The following HAS3 variants were observed in gnomAD, a reference collection of about 807,000 sequenced individuals.
HAS3 encodes HA synthase 3.
A neutral mutation model predicts 50.3 loss-of-function variants in HAS3; 27 were observed. The observed-to-expected ratio is 0.54, with a 90% CI of 0.40 to 0.74. HAS3 has a LOEUF of 0.74. Ranked by LOEUF, HAS3 falls within the 30% of genes least tolerant of loss-of-function variation. The pLI is 0.00. For synonymous variants in HAS3, 339 were observed against 310.9 expected (o/e 1.09, Z -0.95); for missense variants, 517 against 742.8 (o/e 0.70, Z 3.53).
At chr16:69,113,013 G>A (rs1181331697) in intron 2 of HAS3, among the ~76,000 whole-genome samples, 2 of 152,204 alleles carry the variant, frequency 1.3e-5, no homozygotes, top group Non-Finnish European at 2.9e-5. Context: ...AGGGGTCAGA[G>A]GCTGACACGG....
At chr16:69,104,774 G>GT (rs1358138632), upstream of HAS3, among the ~76,000 whole-genome samples, 2 of 151,962 alleles carry the variant, frequency 1.3e-5, no homozygotes, top group African/African-American at 4.8e-5. Context: ...TGTGGAGTAG[G>GT]TGTGCCTGGG....
At position 69,114,658 on chromosome 16, in the gene HAS3, A is replaced by C; in HGVS notation, c.1054A>C (p.Asn352His). 2 of 1,614,096 alleles carry C rather than the reference A, an allele frequency of 1.2e-6. No homozygotes were observed. The highest frequency in any genetic ancestry group is 1.7e-6 in the Non-Finnish European group (2 of 1,180,010). The change falls in exon 4 of 4, where the codon AAC becomes CAC. Residue 352 changes from asparagine (N) to histidine (H), a missense_variant. Transcript: ENST00000569188. The surrounding 1 kb of genome is among the most constrained non-coding windows in gnomAD (Gnocchi z 6.4). ...ETPTKYLRWL[N>H]QQTRWSKSYF... ...CCCCACTAAGTACCTCCGGTGGCTC[A>C]ACCAGCAAACCCGCTGGAGCAAGTC... is the stretch of plus-strand genomic sequence containing the variant.
Position 69,116,862 on chromosome 16 carries a change from C to T in HAS3, c.*1596C>T, listed in dbSNP as rs757449114. The T allele has an allele frequency of 3.0e-5, 30 of 985,292 alleles. No homozygotes were observed. The highest frequency in any genetic ancestry group is 1.1e-4 in the East Asian group (1 of 8,822). The allele number at this position is 985,292 out of a possible 1,614,324, so 61.0% of individuals were successfully genotyped here. On this transcript the variant is annotated 3_prime_UTR_variant, in exon 4 of 4. Transcript: ENST00000569188. ...CCTTTCTCAGAGGGGCCAGCTAACCCGTGCAGAACCAGCACTAAGGTGGAC... is the reference window on the plus strand; with the variant it reads ...CCTTTCTCAGAGGGGCCAGCTAACCTGTGCAGAACCAGCACTAAGGTGGAC...
chr16:69,090,161 A>G, the HAS3 span, among the ~76,000 whole-genome samples: 17 of 152,014 alleles, frequency 1.1e-4, no homozygotes, highest in Non-Finnish European at 2.2e-4. Context: ...TTGAGATGCA[A>G]ACTCAGGTAC....
At position 69,116,894 on chromosome 16, in the gene HAS3, C is replaced by G; in HGVS notation, c.*1628C>G. ...AACCAGCACTAAGGTGGACAGCAGA[C>G]AAGAGGGCAAGCCTCTAGTGTACCA... On this transcript the variant is annotated 3_prime_UTR_variant, in exon 4 of 4. Transcript: ENST00000569188. 1 of 985,440 alleles carries G rather than the reference C, an allele frequency of 1.0e-6. No individual in the cohort carries two copies. The allele number at this position is 985,440 out of a possible 1,614,324, so 61.0% of individuals were successfully genotyped here. A position where few individuals can be genotyped will look rare whatever the true frequency, so the allele number is the denominator to read the frequency against.
chr16:69,116,917 CCAAGTGCTTCCTA>C lies in HAS3; in HGVS notation c.*1655_*1667del. ...GACAAGAGGGCAAGCCTCTAGTGTA[CCAAGTGCTTCCTA>C]CAAAGACGCAAGGTGTGCTCTGAGC... On this transcript the variant is annotated 3_prime_UTR_variant, in exon 4 of 4. Transcript: ENST00000569188. 3.0e-6 allele frequency: 3 copies of C among 985,424 alleles called. No homozygotes were observed. Among genetic ancestry groups the C allele is most frequent in the Non-Finnish European group, 3.6e-6 (3 of 829,934 alleles). 61.0% of individuals were successfully genotyped at this position (985,424 alleles called of 1,614,324 possible).
In HAS3 at chr16:69,115,296, C is replaced by T; in HGVS notation, c.*30C>T. 6.7e-7 allele frequency: 1 copy of T among 1,490,954 alleles called. No homozygotes were observed. The highest frequency in any genetic ancestry group is 8.9e-7 in the Non-Finnish European group (1 of 1,122,092). The allele number at this position is 1,490,954 out of a possible 1,614,324, so 92.4% of individuals were successfully genotyped here. On this transcript the variant is annotated 3_prime_UTR_variant, in exon 4 of 4. Coordinates refer to ENST00000569188, the MANE Select transcript of HAS3 (RefSeq NM_001199280.2). ...GCCCCCAAGCAGAGCGGGTAAAGTG[C>T]AATGGGTAAGGGAGGGAAGGGGAAT...
chr16:69,108,555 G>A (rs1484112374), intron 1 of HAS3, among the ~76,000 whole-genome samples: 1 of 152,138 alleles, frequency 6.6e-6, no homozygotes, highest in Non-Finnish European at 1.5e-5. Flanking sequence ...GCACAGAGAC[G>A]CATGCTGCAC....
At chr16:69,118,416 C>T (rs113161750), downstream of HAS3, 58 of 1,613,464 alleles carry the variant, frequency 3.6e-5, no homozygotes, top group African/African-American at 4.0e-4. Flanking sequence ...GTCAGAGCTA[C>T]GGAAGCATGG....
rs1273166406 is a variant in HAS3 at position 69,115,951 on chromosome 16, A to G, written c.*685A>G. The G allele has an allele frequency of 1.2e-5, 12 of 985,764 alleles. No individual in the cohort carries two copies. The Admixed American group carries it at 2.5e-4, about 20-fold the overall frequency. The allele number at this position is 985,764 out of a possible 1,614,324, so 61.1% of individuals were successfully genotyped here. On this transcript the variant is annotated 3_prime_UTR_variant, in exon 4 of 4. Coordinates refer to ENST00000569188, the MANE Select transcript of HAS3 (RefSeq NM_001199280.2). ...AAAGGAAAGTTTGCCAGGAGGAACA[A>G]AGAGATTGTGGTGGTGCTAAAGGAG...
chr16:69,090,968 G>A, the HAS3 span, among the ~76,000 whole-genome samples: 2 of 152,086 alleles, frequency 1.3e-5, no homozygotes, highest in African/African-American at 2.4e-5. Flanking sequence ...CAAATTACTT[G>A]CCCAGATTAC....
rs958387252 is a variant in HAS3 at position 69,116,868 on chromosome 16, G to C, written c.*1602G>C. On this transcript the variant is annotated 3_prime_UTR_variant, in exon 4 of 4. Transcript: ENST00000569188. ...TCAGAGGGGCCAGCTAACCCGTGCA[G>C]AACCAGCACTAAGGTGGACAGCAGA... is the stretch of plus-strand genomic sequence containing the variant. 1.0e-5 allele frequency: 10 copies of C among 985,340 alleles called. No individual in the cohort carries two copies. The highest frequency in any genetic ancestry group is 1.7e-5 in the African/African-American group (1 of 57,242). 61.0% of individuals were successfully genotyped at this position (985,340 alleles called of 1,614,324 possible). A position where few individuals can be genotyped will look rare whatever the true frequency, so the allele number is the denominator to read the frequency against.
chr16:69,103,955 C>T (rs1960723392), upstream of HAS3, among the ~76,000 whole-genome samples: 1 of 152,230 alleles, frequency 6.6e-6, no homozygotes, highest in Non-Finnish European at 1.5e-5. Flanking sequence ...GGCTTCTTCT[C>T]CATCTTTGTG....
chr16:69,116,984 T>C lies in HAS3; in HGVS notation c.*1718T>C. ...AGATGGGCAAACCCTGGTGCTTTCCTTCATCTCCCACGAACTCAAGGGTTT... is the reference window on the plus strand; with the variant it reads ...AGATGGGCAAACCCTGGTGCTTTCCCTCATCTCCCACGAACTCAAGGGTTT... On this transcript the variant is annotated 3_prime_UTR_variant, in exon 4 of 4. Coordinates refer to ENST00000569188, the MANE Select transcript of HAS3 (RefSeq NM_001199280.2). 1.0e-6 allele frequency: 1 copy of C among 985,408 alleles called. No individual in the cohort carries two copies. Among genetic ancestry groups the C allele is most frequent in the Non-Finnish European group, 1.2e-6 (1 of 829,934 alleles). The allele number at this position is 985,408 out of a possible 1,614,324, so 61.0% of individuals were successfully genotyped here.
Position 69,116,638 on chromosome 16 carries a change from T to C in HAS3, c.*1372T>C. 1 of 985,328 alleles carries C rather than the reference T, an allele frequency of 1.0e-6. No individual in the cohort carries two copies. The highest frequency in any genetic ancestry group is 4.7e-5 in the South Asian group (1 of 21,282). 61.0% of individuals were successfully genotyped at this position (985,328 alleles called of 1,614,324 possible). The stretch of plus-strand genomic sequence containing the variant: ...CAAACTAGGAGATGAAACTGGTTCC[T>C]ACATCCTAAGGTTCTTGCTTTCTCT... On this transcript the variant is annotated 3_prime_UTR_variant, in exon 4 of 4. Transcript: ENST00000569188.
At chr16:69,104,915 A>G (rs1310145186), upstream of HAS3, among the ~76,000 whole-genome samples, 1 of 151,390 alleles carries the variant, frequency 6.6e-6, no homozygotes, top group Non-Finnish European at 1.5e-5. Flanking sequence ...AGGTGCCTAT[A>G]AATTTGTTGC....
chr16:69,115,392 A>G lies in HAS3; in HGVS notation c.*126A>G. ...TAGTCTCTTAATGGTCCAAAGGACA[A>G]ATCTAAAATGCAAAGAACGGTGATG... On this transcript the variant is annotated 3_prime_UTR_variant, in exon 4 of 4. Coordinates refer to ENST00000569188, the MANE Select transcript of HAS3 (RefSeq NM_001199280.2). 1 of 1,395,890 alleles carries G rather than the reference A, an allele frequency of 7.2e-7. No homozygotes were observed. The highest frequency in any genetic ancestry group is 2.6e-5 in the East Asian group (1 of 39,088). The allele number at this position is 1,395,890 out of a possible 1,614,324, so 86.5% of individuals were successfully genotyped here. A position where few individuals can be genotyped will look rare whatever the true frequency, so the allele number is the denominator to read the frequency against.
In HAS3 at chr16:69,116,405, C is replaced by T. The variant is rs924060658; in HGVS notation, c.*1139C>T. 4.4e-5 allele frequency: 43 copies of T among 985,688 alleles called. No homozygotes were observed. Among genetic ancestry groups the T allele is most frequent in the Non-Finnish European group, 5.1e-5 (42 of 829,852 alleles). 61.1% of individuals were successfully genotyped at this position (985,688 alleles called of 1,614,324 possible). A position where few individuals can be genotyped will look rare whatever the true frequency, so the allele number is the denominator to read the frequency against. Reference sequence around the variant, plus strand: ...AATCTTGGAGCTGCTTGGACGGATTCCTTGGCAGCCGGGTTAGCATGTGTG... The same window carrying T: ...AATCTTGGAGCTGCTTGGACGGATTTCTTGGCAGCCGGGTTAGCATGTGTG... On this transcript the variant is annotated 3_prime_UTR_variant, in exon 4 of 4. Transcript: ENST00000569188.
At chr16:69,098,724 G>A in the HAS3 span, among the ~76,000 whole-genome samples, 1 of 140,570 alleles carries the variant, frequency 7.1e-6, no homozygotes, top group Non-Finnish European at 1.5e-5. Context: ...GGAGTGCAGT[G>A]GCACAATCTC....
Sources: gnomAD v4.1 joint callset for allele counts (sites outside exome capture counted in the v4.1 genomes callset) on GRCh38, gnomAD v4.1.1 for gene constraint, Gnocchi (gnomAD v3.1) non-coding constraint, MANE v1.5 for transcripts, NCBI Gene and HGNC (gene_info 2026-07-23, HGNC 2026-07-21) for gene names.